HYCC1: variants seen among roughly 807,000 people sequenced by gnomAD.
The protein encoded by HYCC1 is hyccin.
chr7:22,951,932 G>A, the HYCC1 span, among the ~76,000 whole-genome samples: 1 of 151,930 alleles, frequency 6.6e-6, no homozygotes, highest in Non-Finnish European at 1.5e-5. Context: ...GGAATTATAA[G>A]TAAATATCCC....
At chr7:22,924,779 C>T in the HYCC1 span, among the ~76,000 whole-genome samples, 1 of 152,256 alleles carries the variant, frequency 6.6e-6, no homozygotes, top group African/African-American at 2.4e-5. Context: ...AAACAAAAGA[C>T]AGCAATAACC....
chr7:22,905,386 A>ATTTTTTTTTTT, the HYCC1 span, among the ~76,000 whole-genome samples: 1 of 44,466 alleles, frequency 2.2e-5, no homozygotes, highest in Non-Finnish European at 4.2e-5. Flanking sequence ...CTAATTTTGT[A>ATTTTTTTTTTT]TTTTTTTTTT....
the HYCC1 span, among the ~76,000 whole-genome samples, chr7:22,994,812 C>T: frequency 1.3e-5 from 2 of 152,018 alleles, no homozygotes; most frequent in Non-Finnish European, 2.9e-5. Flanking sequence ...TCTTTATTCC[C>T]TTCATCTCTG....
the HYCC1 span, chr7:22,964,363 A>G: frequency 1.1e-5 from 11 of 1,022,742 alleles, no homozygotes; most frequent in Non-Finnish European, 1.6e-5. Flanking sequence ...TGAACAGACT[A>G]TAATTTTCCA....
the HYCC1 span, chr7:22,936,529 A>G: frequency 2.6e-5 from 4 of 152,214 alleles, no homozygotes; most frequent in African/African-American, 9.6e-5. Flanking sequence ...CCTTTGTTTA[A>G]TATGTCTGTA....
the HYCC1 span, among the ~76,000 whole-genome samples, chr7:22,969,989 T>G: frequency 6.6e-6 from 1 of 152,108 alleles, no homozygotes; most frequent in Non-Finnish European, 1.5e-5. Flanking sequence ...AAACAGAACA[T>G]AGGTAAGTTA....
At chr7:22,952,907 AGT>A in the HYCC1 span, among the ~76,000 whole-genome samples, 4 of 152,090 alleles carry the variant, frequency 2.6e-5, no homozygotes, top group South Asian at 8.3e-4. Context: ...AGCAGTAAGT[AGT>A]CTTTCTAGGT....
the HYCC1 span, chr7:22,976,317 C>T: frequency 3.8e-6 from 6 of 1,578,644 alleles, no homozygotes; most frequent in Admixed American, 1.7e-5. Flanking sequence ...TAAAGACAAA[C>T]AAAAAGAATA....
chr7:22,991,008 C>A, the HYCC1 span: 2 of 1,245,082 alleles, frequency 1.6e-6, no homozygotes, highest in Admixed American at 1.7e-5. Flanking sequence ...AATTTAAACG[C>A]CAGACAAAAC....
At chr7:22,915,449 A>T in the HYCC1 span, among the ~76,000 whole-genome samples, 38,411 of 152,112 alleles carry the variant, frequency 0.25, 5,019 homozygotes, top group East Asian at 0.48. Flanking sequence ...ATTCCTCCTA[A>T]GCCATGTCCC....
the HYCC1 span, chr7:22,935,419 T>G: frequency 8.5e-5 from 13 of 152,276 alleles, no homozygotes; most frequent in Non-Finnish European, 1.3e-4. Flanking sequence ...GGAGAGTTGA[T>G]GCACTTCCAA....
At chr7:22,947,211 CCCA>C in the HYCC1 span, 3 of 1,549,844 alleles carry the variant, frequency 1.9e-6, no homozygotes, top group Non-Finnish European at 2.6e-6. Context: ...GACAAGGATG[CCCA>C]ATTCAGTAGC....
At chr7:22,949,552 G>C in the HYCC1 span, among the ~76,000 whole-genome samples, 1 of 151,898 alleles carries the variant, frequency 6.6e-6, no homozygotes, top group Non-Finnish European at 1.5e-5. Flanking sequence ...AGAAATCCTA[G>C]GAAAGTAATA....
chr7:22,899,751 T>C, the HYCC1 span, among the ~76,000 whole-genome samples: 1 of 152,246 alleles, frequency 6.6e-6, no homozygotes, highest in Admixed American at 6.5e-5. Context: ...CTTAGGCTTT[T>C]AAAAACAAAA....
chr7:22,940,234 C>CTGTTT, the HYCC1 span: 2 of 76,156 alleles, frequency 2.6e-5, no homozygotes, highest in African/African-American at 5.5e-5. Flanking sequence ...TTAATAGGTT[C>CTGTTT]TGTTTTTTTT....
chr7:22,908,899 TGCAG>T, the HYCC1 span, among the ~76,000 whole-genome samples: 3 of 152,330 alleles, frequency 2.0e-5, no homozygotes, highest in South Asian at 6.2e-4. Context: ...AAGCCAGTTA[TGCAG>T]GCAGTCAACT....
the HYCC1 span, among the ~76,000 whole-genome samples, chr7:22,968,797 C>T: frequency 6.6e-6 from 1 of 152,056 alleles, no homozygotes. Flanking sequence ...ACCAGCCTGG[C>T]CAACATGGTG....
chr7:22,944,079 C>T, the HYCC1 span: 2 of 152,100 alleles, frequency 1.3e-5, no homozygotes. Context: ...TCTGCATAAG[C>T]AGGAACAAGA....
the HYCC1 span, among the ~76,000 whole-genome samples, chr7:22,929,784 C>T: frequency 1.4e-3 from 212 of 152,222 alleles, no homozygotes; most frequent in African/African-American, 4.7e-3. Context: ...GTCAGTGTGG[C>T]GATTCCTCAA....
Sources: gnomAD v4.1 joint callset for allele counts (sites outside exome capture counted in the v4.1 genomes callset) on GRCh38, gnomAD v4.1.1 for gene constraint, MANE v1.5 for transcripts, NCBI Gene and HGNC (gene_info 2026-07-23, HGNC 2026-07-21) for gene names.